TFB2M: variants seen among roughly 807,000 people sequenced by gnomAD.
TFB2M encodes the protein dimethyladenosine transferase 2, mitochondrial.
TFB2M carries 44 observed loss-of-function variants against 41.3 expected under a neutral mutation model. The observed-to-expected ratio is 1.07, with a 90% confidence interval of 0.84 to 1.37. TFB2M has a LOEUF of 1.37. Ranked by LOEUF, TFB2M falls within the 40% of genes most tolerant of loss-of-function variation. The probability of loss-of-function intolerance (pLI) is 0.00; values close to 1 mark genes in which losing one functional copy is unlikely to be tolerated. For missense variants in TFB2M, 496 were observed against 490.2 expected (o/e 1.01, Z -0.11); for synonymous variants, 188 against 176.8 (o/e 1.06, Z -0.50).
At chr1:246,546,985 T>TCACACACACACAC (rs1558509715) in intron 6 of TFB2M, among the ~76,000 whole-genome samples, 8 of 64,566 alleles carry the variant, frequency 1.2e-4, no homozygotes, top group Non-Finnish European at 2.2e-4. Flanking sequence ...ACACACACAT[T>TCACACACACACAC]TTTTTTTTTT....
At position 246,557,480 on chromosome 1, in the gene TFB2M, T is replaced by G; in HGVS notation, c.457A>C (p.Lys153Gln). ...ACTCCACCACTTCTAGGATCTAGTT[T>G]AAAGAAGTCACAGTGAATCACTCGT... ...KLRVIHCDFF[K>Q]LDPRSGGVIK... The change falls in exon 3 of 8, where the codon AAA becomes CAA. Residue 153 changes from lysine to glutamine, a missense_variant. Coordinates refer to ENST00000366514, the MANE Select transcript of TFB2M (RefSeq NM_022366.3). 1 of 1,613,148 alleles carries G rather than the reference T, an allele frequency of 6.2e-7. No homozygotes were observed. The highest frequency in any genetic ancestry group is 8.5e-7 in the Non-Finnish European group (1 of 1,179,622).
intron 6 of TFB2M, 129 bp from the exon 7 acceptor site, chr1:246,544,810 C>T (rs1658953750): frequency 1.3e-6 from 1 of 744,770 alleles, no homozygotes; most frequent in Non-Finnish European, 2.1e-6. Context: ...TTCACATTCT[C>T]TTTTTCTTTC....
In TFB2M at chr1:246,566,234, C is replaced by G. The variant is rs1553366290; in HGVS notation, c.-96G>C. ...CCCACGTGGAACATTTTCTGGCGTC[C>G]GGGCCAGGTCAAGCGGAAGTAAACA... On this transcript the variant is annotated 5_prime_UTR_variant, in exon 1 of 8. Transcript: ENST00000366514. 2 of 1,294,602 alleles carry G rather than the reference C, an allele frequency of 1.5e-6. No homozygotes were observed. The highest frequency in any genetic ancestry group is 2.1e-6 in the Non-Finnish European group (2 of 942,152). 80.2% of individuals were successfully genotyped at this position (1,294,602 alleles called of 1,614,324 possible).
chr1:246,550,714 C>A (rs149775016), intron 5 of TFB2M, among the ~76,000 whole-genome samples: 239 of 152,230 alleles, frequency 1.6e-3, no homozygotes, highest in African/African-American at 5.0e-3. Context: ...TGAAACCTGT[C>A]TCTACCGAAA....
intron 7 of TFB2M, among the ~76,000 whole-genome samples, chr1:246,542,143 G>C (rs1447176632): frequency 6.6e-6 from 1 of 151,948 alleles, no homozygotes; most frequent in Non-Finnish European, 1.5e-5. Context: ...TACAGTAAAA[G>C]ATACAGCATC....
intron 7 of TFB2M, among the ~76,000 whole-genome samples, chr1:246,542,498 C>T (rs1435247020): frequency 6.6e-6 from 1 of 151,846 alleles, no homozygotes; most frequent in Non-Finnish European, 1.5e-5. Context: ...ATAGTGAGAC[C>T]CCATCTCTAC....
chr1:246,552,940 G>C (rs1659225318), intron 4 of TFB2M, among the ~76,000 whole-genome samples: 1 of 151,780 alleles, frequency 6.6e-6, no homozygotes, highest in Non-Finnish European at 1.5e-5. Flanking sequence ...AAAAAAACCT[G>C]GCTGGGCGCT....
intron 2 of TFB2M, among the ~76,000 whole-genome samples, chr1:246,560,121 A>T (rs1659418249): frequency 6.6e-6 from 1 of 151,658 alleles, no homozygotes; most frequent in South Asian, 2.1e-4. Flanking sequence ...CTCATCAGCC[A>T]CTGTTCTTAT....
rs140966033 is a variant in TFB2M at position 246,541,168 on chromosome 1, T to C, written c.1054A>G (p.Met352Val). Reference protein sequence around the residue: ...LTPLDARDILMQIGKQEDEKV... With the variant: ...LTPLDARDILVQIGKQEDEKV... ...TCATCCTCCTGTTTTCCTATTTGCA[T>C]CAATATATCTCTCGCATCAAGTGGA... Residue 352 changes from methionine (M) to valine (V), a missense_variant, in exon 8 of 8, where the codon ATG (methionine) becomes GTG (valine). By Grantham distance (21) the Met-to-Val change is conservative. Transcript: ENST00000366514. 142 of 1,613,976 alleles carry C rather than the reference T, an allele frequency of 8.8e-5. No homozygotes were observed. The Middle Eastern group carries it at 1.2e-3, about 13-fold the overall frequency.
chr1:246,557,126 A>G (rs543574284), intron 3 of TFB2M, among the ~76,000 whole-genome samples: 2 of 152,188 alleles, frequency 1.3e-5, no homozygotes, highest in East Asian at 3.9e-4. Flanking sequence ...ATACAAAAAA[A>G]TAACCAGGTG....
chr1:246,563,646 A>G (rs1457844960), intron 2 of TFB2M, among the ~76,000 whole-genome samples: 1 of 152,116 alleles, frequency 6.6e-6, no homozygotes, highest in Non-Finnish European at 1.5e-5. Context: ...ATGTCAAACA[A>G]GGAGATTGTT....
chr1:246,559,788 T>C (rs1426004249), intron 2 of TFB2M, among the ~76,000 whole-genome samples: 1 of 152,050 alleles, frequency 6.6e-6, no homozygotes, highest in Non-Finnish European at 1.5e-5. Context: ...ATTTGGCTTG[T>C]TGAAGGTAAT....
At chr1:246,556,780 C>A in intron 3 of TFB2M, 59 bp from the exon 4 acceptor site, 1 of 1,413,020 alleles carries the variant, frequency 7.1e-7, no homozygotes, top group South Asian at 1.5e-5. Flanking sequence ...GTCCTATGTC[C>A]ATATTTTTTT....
chr1:246,546,215 G>A (rs1659015365), intron 6 of TFB2M, among the ~76,000 whole-genome samples: 2 of 151,858 alleles, frequency 1.3e-5, no homozygotes, highest in Non-Finnish European at 2.9e-5. Flanking sequence ...GGAGGTTGAG[G>A]TGGGAGGATC....
chr1:246,549,090 C>T (rs1229976949), intron 5 of TFB2M, among the ~76,000 whole-genome samples: 3 of 152,154 alleles, frequency 2.0e-5, no homozygotes, highest in African/African-American at 2.4e-5. Flanking sequence ...AATCCCAGCA[C>T]TTTGGGAGGC....
In TFB2M at chr1:246,541,273, T is replaced by C. The variant is rs1038434686; in HGVS notation, c.1020-71A>G. ...ATCTATCAGTTCACGGTGACAGAAA[T>C]GGCTTCTAAGTTGAATTCAAAATGT... On this transcript the variant is annotated intron_variant, in intron 7 of 7. Transcript: ENST00000366514. 28 of 1,465,392 alleles carry C rather than the reference T, an allele frequency of 1.9e-5. No individual in the cohort carries two copies. The African/African-American group carries it at 3.8e-4, about 20-fold the overall frequency. The allele number at this position is 1,465,392 out of a possible 1,614,324, so 90.8% of individuals were successfully genotyped here. A position where few individuals can be genotyped will look rare whatever the true frequency, so the allele number is the denominator to read the frequency against.
intron 4 of TFB2M, among the ~76,000 whole-genome samples, chr1:246,555,789 A>ATG (rs1659305639): frequency 1.3e-5 from 2 of 151,654 alleles, no homozygotes; most frequent in African/African-American, 2.4e-5. Context: ...TAGTATATAT[A>ATG]TACAATAGAT....
rs1046025653 is a variant in TFB2M at position 246,543,286 on chromosome 1, G to A, written c.1019+1235C>T. ...TTTAACATTTTACCCATCCTCTGGC[G>A]AGACTTTGAATGACTATGGGCTGCT... is the stretch of plus-strand genomic sequence containing the variant. On this transcript the variant is annotated intron_variant, in intron 7 of 7. Transcript: ENST00000366514. Among the ~76,000 whole-genome samples, 10 of 152,064 alleles carry A rather than the reference G, an allele frequency of 6.6e-5. No individual in the cohort carries two copies. In the South Asian group the frequency reaches 8.3e-4, roughly 13 times the overall value.
At chr1:246,551,587 G>T (rs535361726) in intron 4 of TFB2M, among the ~76,000 whole-genome samples, 1 of 151,252 alleles carries the variant, frequency 6.6e-6, no homozygotes, top group Non-Finnish European at 1.5e-5. Context: ...CAGGGCACGC[G>T]GGGTCACGCT....
Sources: allele counts gnomAD v4.1 joint callset (sites outside exome capture counted in the v4.1 genomes callset), GRCh38; gene constraint gnomAD v4.1.1; transcripts MANE v1.5; gene names NCBI Gene and HGNC (gene_info 2026-07-23, HGNC 2026-07-21).